Variants in SIAE observed in about 807,000 individuals in gnomAD.
The protein encoded by SIAE is sialate O-acetylesterase.
A neutral mutation model predicts 52.6 loss-of-function variants in SIAE; 39 were observed. The observed-to-expected ratio is 0.74, with a 90% CI of 0.57 to 0.97. The LOEUF (loss-of-function observed/expected upper bound fraction) is 0.97. Among genes scored for constraint, SIAE ranks in the 50% least tolerant of loss-of-function variants. The probability of loss-of-function intolerance (pLI) is 0.00; values close to 1 mark genes in which losing one functional copy is unlikely to be tolerated. For synonymous variants in SIAE, 233 were observed against 241.4 expected (o/e 0.97, Z 0.32); for missense variants, 592 against 662.1 (o/e 0.89, Z 1.16).
upstream of SIAE, chr11:124,675,336 A>G (rs1191960483): frequency 6.2e-7 from 1 of 1,614,238 alleles, no homozygotes; most frequent in Non-Finnish European, 8.5e-7. Context: ...AAGGGCTGAC[A>G]CGCGAGATTC....
At chr11:124,658,459 G>A (rs1347094678) in intron 3 of SIAE, among the ~76,000 whole-genome samples, 19 of 152,046 alleles carry the variant, frequency 1.2e-4, no homozygotes, top group Admixed American at 9.2e-4. Context: ...TATTTGTAAA[G>A]TAGGAATGTG....
chr11:124,647,112 T>C lies in SIAE; in HGVS notation c.966+253A>G, dbSNP rs1452964612. ...TTTTAATATTTCCTCAATGAAACTG[T>C]AATGCTTTTTAAATAAGAAATATTA... On this transcript the variant is annotated intron_variant, in intron 7 of 9. Transcript: ENST00000263593. 2.0e-5 allele frequency among the ~76,000 whole-genome samples: 3 copies of C among 152,354 alleles called. No homozygotes were observed. The East Asian group carries it at 5.8e-4, about 29-fold the overall frequency.
chr11:124,648,866 C>T (rs1027672855), intron 5 of SIAE, among the ~76,000 whole-genome samples: 5 of 152,182 alleles, frequency 3.3e-5, no homozygotes, highest in African/African-American at 1.2e-4. Flanking sequence ...TATCTTCACT[C>T]CCCCACAGGC....
chr11:124,654,724 G>A lies in SIAE; in HGVS notation c.475C>T (p.Pro159Ser), dbSNP rs1163422303. Residue 159 changes from proline (P) to serine (S), a missense_variant, in exon 4 of 10, where the codon CCC becomes TCC. By Grantham distance (74) the Pro-to-Ser change is moderately conservative. Transcript: ENST00000263593. The stretch of plus-strand genomic sequence containing the variant: ...TCCAGCTCCTGCTCTGCTTGAATGG[G>A]AGAGACAGAGAGGATGCGGACAGAC... ...YQSVRILSVS[P>S]IQAEQELEDL... is the part of the protein sequence containing the mutation. The A allele has an allele frequency of 6.2e-7, 1 of 1,614,132 alleles. No homozygotes were observed. The highest frequency in any genetic ancestry group is 8.5e-7 in the Non-Finnish European group (1 of 1,180,020).
intron 9 of SIAE, among the ~76,000 whole-genome samples, chr11:124,638,130 A>C (rs369215465): frequency 1.3e-5 from 2 of 152,284 alleles, no homozygotes; most frequent in East Asian, 3.9e-4. Context: ...CTCAAAGGAG[A>C]ACCTAAACTC....
At chr11:124,668,881 T>A (rs1442710694) in intron 2 of SIAE, among the ~76,000 whole-genome samples, 1 of 152,200 alleles carries the variant, frequency 6.6e-6, no homozygotes, top group African/African-American at 2.4e-5. Context: ...ATGGTGCTAG[T>A]CTTGGGTTTT....
rs1056923054 is a variant in SIAE at position 124,645,552 on chromosome 11, C to T, written c.966+1813G>A. Among the ~76,000 whole-genome samples, 5 of 152,070 alleles carry T rather than the reference C, an allele frequency of 3.3e-5. No homozygotes were observed. The highest frequency in any genetic ancestry group is 6.5e-5 in the Admixed American group (1 of 15,280). ...CCGACCTCAGGTGATCCGCCCACCT[C>T]GGCCTCCCAGAGTGCTGGGATTACA... On this transcript the variant is annotated intron_variant, in intron 7 of 9. Transcript: ENST00000263593. The surrounding 1 kb of genome is among the most constrained non-coding windows in gnomAD (Gnocchi z 4.7).
chr11:124,653,873 C>A (rs764218707), intron 4 of SIAE, among the ~76,000 whole-genome samples: 27 of 152,152 alleles, frequency 1.8e-4, no homozygotes, highest in African/African-American at 5.6e-4. Context: ...GATCCTGACA[C>A]AAAGCAGTCA....
chr11:124,674,601 A>T (rs1204552277), upstream of SIAE: 1 of 152,236 alleles, frequency 6.6e-6, no homozygotes, highest in Non-Finnish European at 1.5e-5. Context: ...CCTGATCAAG[A>T]AGAAACCGAA....
intron 2 of SIAE, among the ~76,000 whole-genome samples, chr11:124,668,316 A>G (rs1943300642): frequency 6.6e-6 from 1 of 152,138 alleles, no homozygotes; most frequent in African/African-American, 2.4e-5. Flanking sequence ...AAGCACTCCC[A>G]TCGCACCTTG....
chr11:124,637,067 G>A lies in SIAE; in HGVS notation c.1456C>T (p.Pro486Ser). The change falls in exon 10 of 10, where the codon CCT (proline) becomes TCT (serine). Residue 486 changes from proline to serine, a missense_variant. Physicochemically the swap from Pro to Ser is moderately conservative, Grantham distance 74 (BLOSUM62 -1). Transcript: ENST00000263593. ...AGGGGACACTGCTTATATTCACAAGGCCACGTGGTCCAAGCATAGCGGAGA... is the reference window on the plus strand; with the variant it reads ...AGGGGACACTGCTTATATTCACAAGACCACGTGGTCCAAGCATAGCGGAGA... ...VALRYAWTTW[P>S]CEYKQCPLYH... 1.2e-6 allele frequency: 2 copies of A among 1,614,172 alleles called. No individual in the cohort carries two copies. The highest frequency in any genetic ancestry group is 2.2e-5 in the South Asian group (2 of 91,076).
Position 124,649,757 on chromosome 11 carries a change from A to G in SIAE, c.584T>C (p.Val195Ala). The G allele has an allele frequency of 1.2e-6, 2 of 1,614,204 alleles. No homozygotes were observed. Among genetic ancestry groups the G allele is most frequent in the Non-Finnish European group, 1.7e-6 (2 of 1,180,038 alleles). ...GHGYFKYMSA[V>A]CWLFGRHLYD... ...AAGGTGACGTCCAAAGAGCCAGCACACTGCTGACATGTACTTGAAATATCC... is the reference window on the plus strand; with the variant it reads ...AAGGTGACGTCCAAAGAGCCAGCACGCTGCTGACATGTACTTGAAATATCC... Residue 195 changes from valine (V) to alanine (A), a missense_variant, in exon 5 of 10, where the codon GTG (valine) becomes GCG (alanine). Transcript: ENST00000263593.
At chr11:124,641,696 C>T (rs1942848867) in intron 7 of SIAE, among the ~76,000 whole-genome samples, 1 of 152,064 alleles carries the variant, frequency 6.6e-6, no homozygotes, top group Non-Finnish European at 1.5e-5. Flanking sequence ...TGGTGGCTCA[C>T]GCTTATAATC....
chr11:124,652,787 G>A (rs185556799), intron 4 of SIAE, among the ~76,000 whole-genome samples: 122 of 151,620 alleles, frequency 8.0e-4, no homozygotes, highest in African/African-American at 2.9e-3. Flanking sequence ...CTAGGTATCT[G>A]AATTGCCTCG....
At chr11:124,659,099 C>G (rs1054247502) in intron 3 of SIAE, 2 of 152,128 alleles carry the variant, frequency 1.3e-5, no homozygotes, top group Non-Finnish European at 2.9e-5. Flanking sequence ...ACAGAAGATG[C>G]TCAGGGGTAA....
chr11:124,644,742 T>C (rs942161392), intron 7 of SIAE, among the ~76,000 whole-genome samples: 11 of 152,194 alleles, frequency 7.2e-5, no homozygotes, highest in African/African-American at 2.7e-4. Context: ...TCCTTGGGAC[T>C]CCAGCCCCTA....
At chr11:124,656,889 T>C (rs909038584) in intron 3 of SIAE, among the ~76,000 whole-genome samples, 6 of 152,264 alleles carry the variant, frequency 3.9e-5, no homozygotes, top group East Asian at 1.9e-4. Flanking sequence ...GTACGTTCCA[T>C]TGGCCGCTGG....
rs746914032 is a variant in SIAE at position 124,648,102 on chromosome 11, A to C, written c.796T>G (p.Cys266Gly). Residue 266 changes from cysteine to glycine, a missense_variant, in exon 6 of 10, where the codon TGC becomes GGC. Cys to Gly is a radical substitution (Grantham distance 159, BLOSUM62 -3). Transcript: ENST00000263593. ...ACTACCCCTTTCAGAGTCATATTGC[A>C]CAGTGGATGGATCATGGCATTCCAG... Reference protein sequence around the residue: ...VLWNAMIHPLCNMTLKGVVWY... With the variant: ...VLWNAMIHPLGNMTLKGVVWY... 16 of 1,614,162 alleles carry C rather than the reference A, an allele frequency of 9.9e-6. No homozygotes were observed. The highest frequency in any genetic ancestry group is 1.3e-5 in the Non-Finnish European group (15 of 1,179,982).
At chr11:124,652,557 G>T (rs181458470) in intron 4 of SIAE, among the ~76,000 whole-genome samples, 1 of 152,136 alleles carries the variant, frequency 6.6e-6, no homozygotes, top group Non-Finnish European at 1.5e-5. Flanking sequence ...AGCTGGGCGT[G>T]GTGGGGCACA....
Sources: gnomAD v4.1 joint callset for allele counts (sites outside exome capture counted in the v4.1 genomes callset) on GRCh38, gnomAD v4.1.1 for gene constraint, Gnocchi (gnomAD v3.1) non-coding constraint, MANE v1.5 for transcripts, NCBI Gene and HGNC (gene_info 2026-07-23, HGNC 2026-07-21) for gene names.